The following PIAS4 variants were observed in gnomAD, a reference collection of about 807,000 sequenced individuals.
PIAS4 encodes E3 SUMO-protein ligase PIAS4.
Under a neutral mutation model 58.0 loss-of-function variants are expected in PIAS4, and 7 were observed. That is an observed-to-expected ratio of 0.12 (90% CI 0.07 to 0.23). The LOEUF (loss-of-function observed/expected upper bound fraction) is 0.23, where lower values mean the gene tolerates loss of function less well. Ranked by LOEUF, PIAS4 falls within the 10% of genes least tolerant of loss-of-function variation. The pLI is 1.00. For synonymous variants in PIAS4, 364 were observed against 312.4 expected, an observed-to-expected ratio of 1.17 and a Z score of -1.74; for missense variants, 550 against 709.5, an observed-to-expected ratio of 0.78 and a Z score of 2.55.
At chr19:4,010,662 G>A (rs1426975390) in intron 1 of PIAS4, among the ~76,000 whole-genome samples, 1 of 152,228 alleles carries the variant, frequency 6.6e-6, no homozygotes, top group Admixed American at 6.5e-5. Flanking sequence ...CCGAGGGGCC[G>A]ATGCCAGTCC....
At chr19:4,020,397 C>G (rs1323721086) in intron 2 of PIAS4, among the ~76,000 whole-genome samples, 1 of 152,128 alleles carries the variant, frequency 6.6e-6, no homozygotes, top group African/African-American at 2.4e-5. Flanking sequence ...CCAGCCTTTA[C>G]CAGGGGCAGT....
At chr19:4,032,952 C>A (rs1241100111) in intron 7 of PIAS4, 148 bp from the exon 8 acceptor site, 4 of 643,962 alleles carry the variant, frequency 6.2e-6, no homozygotes, top group East Asian at 5.5e-5. Flanking sequence ...CAATCCCTCA[C>A]GGCCCCGAGC....
At chr19:4,029,074 G>C (rs1192886213) in intron 7 of PIAS4, 38 bp downstream of exon 7, 5 of 1,477,234 alleles carry the variant, frequency 3.4e-6, no homozygotes, top group Non-Finnish European at 4.6e-6. Context: ...GGGGTGCCAA[G>C]TCCACCCTGG....
chr19:4,031,974 C>T (rs1036635265), intron 7 of PIAS4, among the ~76,000 whole-genome samples: 31 of 152,054 alleles, frequency 2.0e-4, no homozygotes, highest in Admixed American at 1.8e-3. Context: ...GAGGAGTGAG[C>T]GGCTGGGGCA....
At chr19:4,033,703 T>C in intron 9 of PIAS4, 123 bp downstream of exon 9, 1 of 812,742 alleles carries the variant, frequency 1.2e-6, no homozygotes. Context: ...CACATGGTCC[T>C]GGAGCTTTGG....
At chr19:4,014,307 AG>A (rs1383124467) in intron 2 of PIAS4, among the ~76,000 whole-genome samples, 1 of 152,146 alleles carries the variant, frequency 6.6e-6, no homozygotes, top group Non-Finnish European at 1.5e-5. Flanking sequence ...CCTCCCCAGC[AG>A]CCGTGGCCAT....
At chr19:4,023,956 G>T in intron 2 of PIAS4, 80 bp from the exon 3 acceptor site, 1 of 925,536 alleles carries the variant, frequency 1.1e-6, no homozygotes, top group Middle Eastern at 2.1e-4. Flanking sequence ...GGTCTGAAGA[G>T]GCGCAGGCTG....
At chr19:4,024,784 T>C (rs1325471649) in intron 3 of PIAS4, among the ~76,000 whole-genome samples, 2 of 151,664 alleles carry the variant, frequency 1.3e-5, no homozygotes, top group Non-Finnish European at 2.9e-5. Context: ...TGAGACTGAG[T>C]GTAGCTCTTG....
At chr19:4,018,078 C>T (rs1325657717) in intron 2 of PIAS4, among the ~76,000 whole-genome samples, 2 of 152,284 alleles carry the variant, frequency 1.3e-5, no homozygotes, top group East Asian at 3.8e-4. Context: ...TCCCAAAGTG[C>T]TGGGATTATA....
chr19:4,028,364 C>T, intron 4 of PIAS4, 146 bp from the exon 5 acceptor site: 1 of 793,808 alleles, frequency 1.3e-6, no homozygotes, highest in East Asian at 2.7e-5. Context: ...CCCACTCAGG[C>T]CACACCCGGG....
At chr19:4,030,322 TAAAAG>T (rs1333650057) in intron 7 of PIAS4, among the ~76,000 whole-genome samples, 2 of 143,412 alleles carry the variant, frequency 1.4e-5, no homozygotes, top group Admixed American at 1.4e-4. Flanking sequence ...AGAGCAATTT[TAAAAG>T]AAAGCCTGCC....
Position 4,038,323 on chromosome 19 carries a change from A to G in PIAS4, c.*448A>G, listed in dbSNP as rs2040325896. ...GGGGCGCAGCCCCTCTCTGGCGACCACTTTGACGTTTGTCTCTTCCTTTGC... is the reference window on the plus strand; with the variant it reads ...GGGGCGCAGCCCCTCTCTGGCGACCGCTTTGACGTTTGTCTCTTCCTTTGC... On this transcript the variant is annotated 3_prime_UTR_variant, in exon 11 of 11. Transcript: ENST00000262971. The surrounding 1 kb of genome is among the most constrained non-coding windows in gnomAD (Gnocchi z 4.1). 4 of 152,480 alleles carry G rather than the reference A, an allele frequency of 2.6e-5. No homozygotes were observed. In the South Asian group the frequency reaches 8.4e-4, roughly 32 times the overall value. The allele number at this position is 152,480 out of a possible 1,614,324, so 9.4% of individuals were successfully genotyped here. A position where few individuals can be genotyped will look rare whatever the true frequency, so the allele number is the denominator to read the frequency against.
In PIAS4 at chr19:4,037,497, C is replaced by T. The variant is rs774481033; in HGVS notation, c.1266C>T (p.Leu422=). The T allele has an allele frequency of 6.3e-5, 102 of 1,610,398 alleles. 1 individual carries two copies. The highest frequency in any genetic ancestry group is 1.1e-4 in the East Asian group (5 of 44,864). The change falls in exon 10 of 11, where the codon CTC becomes CTT. Residue 422 remains leucine (L), a synonymous_variant. Coordinates refer to ENST00000262971, the MANE Select transcript of PIAS4 (RefSeq NM_015897.4). This position sits in a 1 kb window ranked among gnomAD's most constrained non-coding sequence, Gnocchi z 5.8. ...ERSCSPQGAI[L]VLGPSDANGL... Reference sequence around the variant, plus strand: ...GCTGCAGCCCGCAGGGCGCCATCCTCGTGCTGGGTGAGTGCCTCACCCCAC... The same window carrying T: ...GCTGCAGCCCGCAGGGCGCCATCCTTGTGCTGGGTGAGTGCCTCACCCCAC...
At chr19:4,032,745 C>G (rs530527989) in intron 7 of PIAS4, among the ~76,000 whole-genome samples, 4 of 152,184 alleles carry the variant, frequency 2.6e-5, no homozygotes, top group Non-Finnish European at 5.9e-5. Flanking sequence ...GATGGTGCTT[C>G]GGTGACAGAA....
Position 4,037,426 on chromosome 19 carries a change from C to A in PIAS4, c.1195C>A (p.Leu399Met), listed in dbSNP as rs1416478316. The stretch of plus-strand genomic sequence containing the variant: ...TGAGGACGCCGACGAGATCGAGTAC[C>A]TGGTGGACGGCTCGTGGTGCCCGAT... ...ECEDADEIEY[L>M]VDGSWCPIRA... Residue 399 changes from leucine to methionine, a missense_variant, in exon 10 of 11, where the codon CTG becomes ATG. By Grantham distance (15) the Leu-to-Met change is conservative. Transcript: ENST00000262971. The surrounding 1 kb of genome is among the most constrained non-coding windows in gnomAD (Gnocchi z 5.8). 1 of 1,611,698 alleles carries A rather than the reference C, an allele frequency of 6.2e-7. No homozygotes were observed. Among genetic ancestry groups the A allele is most frequent in the Admixed American group, 1.7e-5 (1 of 59,962 alleles).
chr19:4,036,408 G>T lies in PIAS4; in HGVS notation c.1143-966G>T, dbSNP rs1020749775. ...CACACACGTCTATACAGTCCACACT[G>T]TCACACATCCGTACAGTCCACACTG... is the stretch of plus-strand genomic sequence containing the variant. On this transcript the variant is annotated intron_variant, in intron 9 of 10. Transcript: ENST00000262971. 2.5e-5 allele frequency among the ~76,000 whole-genome samples: 3 copies of T among 118,210 alleles called. 1 individual carries two copies. The highest frequency in any genetic ancestry group is 9.2e-5 in the African/African-American group (3 of 32,654). The allele number at this position is 118,210 out of a possible 152,430, so 77.6% of individuals were successfully genotyped here. A position where few individuals can be genotyped will look rare whatever the true frequency, so the allele number is the denominator to read the frequency against.
intron 3 of PIAS4, among the ~76,000 whole-genome samples, chr19:4,024,808 C>CT (rs2040146174): frequency 6.6e-6 from 1 of 151,746 alleles, no homozygotes; most frequent in East Asian, 1.9e-4. Context: ...TCCAGGCTTC[C>CT]AGGCTGGAGT....
intron 9 of PIAS4, among the ~76,000 whole-genome samples, chr19:4,034,290 G>GC (rs1409955531): frequency 1.3e-5 from 2 of 148,412 alleles, no homozygotes; most frequent in African/African-American, 4.8e-5. Flanking sequence ...CGGGTCCCCA[G>GC]CCCTCAGGCA....
chr19:4,029,260 G>C (rs905019365), intron 7 of PIAS4, among the ~76,000 whole-genome samples: 2 of 152,180 alleles, frequency 1.3e-5, no homozygotes, highest in African/African-American at 2.4e-5. Flanking sequence ...AGGCCTGTGG[G>C]GTCACACCTC....
Sources: allele counts gnomAD v4.1 joint callset (sites outside exome capture counted in the v4.1 genomes callset), GRCh38; gene constraint gnomAD v4.1.1; non-coding constraint Gnocchi (gnomAD v3.1); transcripts MANE v1.5; gene names NCBI Gene and HGNC (gene_info 2026-07-23, HGNC 2026-07-21).